Variants in LPAR1 observed in about 807,000 individuals in gnomAD.
The protein encoded by LPAR1 is lysophosphatidic acid receptor 1.
LPAR1 carries 5 observed loss-of-function variants against 23.8 expected under a neutral mutation model. The observed-to-expected ratio is 0.21, with a 90% CI of 0.11 to 0.44. The LOEUF is 0.44. Among genes scored for constraint, LPAR1 ranks in the 20% least tolerant of loss-of-function variants. LPAR1 has a pLI of 0.99. For missense variants in LPAR1, 311 were observed against 482.8 expected, an observed-to-expected ratio of 0.64 and a Z score of 3.33; for synonymous variants, 160 against 164.7, an observed-to-expected ratio of 0.97 and a Z score of 0.22.
At chr9:110,953,519 C>T (rs937363745) in intron 4 of LPAR1, among the ~76,000 whole-genome samples, 3 of 152,008 alleles carry the variant, frequency 2.0e-5, no homozygotes, top group African/African-American at 4.8e-5. Context: ...CAAAATTAGC[C>T]GGGCATGGTG....
At chr9:110,951,150 A>G (rs1288153454) in intron 4 of LPAR1, among the ~76,000 whole-genome samples, 1 of 152,162 alleles carries the variant, frequency 6.6e-6, no homozygotes, top group Non-Finnish European at 1.5e-5. Flanking sequence ...TAAAAACTGA[A>G]TATTTATTTT....
intron 4 of LPAR1, among the ~76,000 whole-genome samples, chr9:110,944,359 C>T (rs1187541174): frequency 6.6e-6 from 1 of 152,138 alleles, no homozygotes; most frequent in Admixed American, 6.6e-5. Flanking sequence ...GGACTACATG[C>T]TAAATACATA....
intron 4 of LPAR1, among the ~76,000 whole-genome samples, chr9:110,961,765 T>C (rs2095998443): frequency 6.6e-6 from 1 of 151,940 alleles, no homozygotes. Context: ...AGAGAGTGTG[T>C]ACAGGGGAAC....
intron 2 of LPAR1, among the ~76,000 whole-genome samples, chr9:110,989,790 A>C (rs550428282): frequency 6.6e-6 from 1 of 152,272 alleles, no homozygotes; most frequent in South Asian, 2.1e-4. Flanking sequence ...CAACTCAATT[A>C]AAAGGCATAG....
At chr9:110,876,600 C>T (rs2079152476) in intron 5 of LPAR1, among the ~76,000 whole-genome samples, 1 of 152,164 alleles carries the variant, frequency 6.6e-6, no homozygotes, top group Admixed American at 6.5e-5. Context: ...AGTTTCTGTT[C>T]TTAGAGGCTG....
At chr9:110,982,649 T>C (rs1217884548) in intron 2 of LPAR1, among the ~76,000 whole-genome samples, 2 of 151,312 alleles carry the variant, frequency 1.3e-5, no homozygotes, top group Non-Finnish European at 3.0e-5. Context: ...AATAAAAAAA[T>C]TTAAAAAGAA....
intron 5 of LPAR1, among the ~76,000 whole-genome samples, chr9:110,908,513 C>T (rs6477794): frequency 0.46 from 69,487 of 151,926 alleles, 17,765 homozygotes; most frequent in African/African-American, 0.7. Context: ...AAATATAAAG[C>T]AGAATAATCT....
chr9:110,875,866 C>T, intron 5 of LPAR1, 144 bp from the exon 6 acceptor site: 1 of 467,954 alleles, frequency 2.1e-6, no homozygotes, highest in Non-Finnish European at 3.7e-6. Flanking sequence ...AAATGAAATA[C>T]TCATTTCCTG....
chr9:110,924,373 G>C (rs2093854311), intron 5 of LPAR1, among the ~76,000 whole-genome samples: 1 of 151,972 alleles, frequency 6.6e-6, no homozygotes, highest in Non-Finnish European at 1.5e-5. Flanking sequence ...ATCTTTTAAA[G>C]AATCTATAAA....
intron 4 of LPAR1, among the ~76,000 whole-genome samples, chr9:110,949,352 T>G (rs1328811732): frequency 6.6e-6 from 1 of 152,158 alleles, no homozygotes; most frequent in Admixed American, 6.5e-5. Context: ...AGATAATAAA[T>G]GATTAAAGAC....
chr9:110,926,051 G>A (rs2094002483), intron 5 of LPAR1, among the ~76,000 whole-genome samples: 1 of 152,184 alleles, frequency 6.6e-6, no homozygotes, highest in Admixed American at 6.5e-5. Flanking sequence ...CTCCTGAGTA[G>A]CTTGGACTAC....
At chr9:110,930,444 G>A (rs1355295922) in intron 5 of LPAR1, among the ~76,000 whole-genome samples, 5 of 151,964 alleles carry the variant, frequency 3.3e-5, no homozygotes, top group South Asian at 2.1e-4. Context: ...AGGAGGCAGA[G>A]GTTGCAGTGA....
intron 2 of LPAR1, among the ~76,000 whole-genome samples, chr9:111,028,949 A>T (rs909759812): frequency 2.1e-4 from 32 of 152,052 alleles, no homozygotes; most frequent in African/African-American, 7.5e-4. Context: ...TGTTTCAGGG[A>T]TTTTTTGTTC....
chr9:110,901,234 A>G (rs2088816331), intron 5 of LPAR1, among the ~76,000 whole-genome samples: 1 of 152,210 alleles, frequency 6.6e-6, no homozygotes, highest in Non-Finnish European at 1.5e-5. Context: ...AGGCAGAAGG[A>G]GAAGTCGTGG....
intron 5 of LPAR1, among the ~76,000 whole-genome samples, chr9:110,931,680 T>C (rs1267014376): frequency 6.6e-6 from 1 of 152,164 alleles, no homozygotes; most frequent in Non-Finnish European, 1.5e-5. Flanking sequence ...CTTTAATCCA[T>C]CTTGAATTAA....
chr9:111,036,294 G>C (rs1038539960), intron 1 of LPAR1, 93 bp from the exon 2 acceptor site: 2 of 149,534 alleles, frequency 1.3e-5, no homozygotes, highest in African/African-American at 4.9e-5. Context: ...CATTAGCTAA[G>C]CAAACTCACA....
intron 4 of LPAR1, among the ~76,000 whole-genome samples, chr9:110,962,782 G>A (rs2096053110): frequency 6.6e-6 from 1 of 152,172 alleles, no homozygotes; most frequent in Admixed American, 6.5e-5. Context: ...GCTCTTAAGT[G>A]ATGTTATGCA....
At chr9:110,940,347 T>C (rs1427723158) in intron 5 of LPAR1, among the ~76,000 whole-genome samples, 2 of 152,182 alleles carry the variant, frequency 1.3e-5, no homozygotes, top group Non-Finnish European at 2.9e-5. Context: ...ATTAAGGTAA[T>C]TCCCAGAGTT....
intron 5 of LPAR1, among the ~76,000 whole-genome samples, chr9:110,913,039 T>C (rs2092653899): frequency 6.6e-6 from 1 of 152,220 alleles, no homozygotes; most frequent in African/African-American, 2.4e-5. Flanking sequence ...TCATGTGTGC[T>C]ATTTGTGCTA....
Sources: gnomAD v4.1 joint callset for allele counts (sites outside exome capture counted in the v4.1 genomes callset) on GRCh38, gnomAD v4.1.1 for gene constraint, MANE v1.5 for transcripts, NCBI Gene and HGNC (gene_info 2026-07-23, HGNC 2026-07-21) for gene names.